The following OSBPL1A variants were observed in gnomAD, a reference collection of about 807,000 sequenced individuals.
OSBPL1A encodes the protein oxysterol binding protein like 1A.
Under a neutral mutation model 137.1 loss-of-function variants are expected in OSBPL1A, and 80 were observed. That is an observed-to-expected ratio of 0.58 (90% confidence interval 0.49 to 0.70). The LOEUF is 0.70. Ranked by LOEUF, OSBPL1A falls within the 30% of genes least tolerant of loss-of-function variation. The pLI, the probability that OSBPL1A is intolerant of heterozygous loss-of-function variation, is 0.00. For missense variants in OSBPL1A, 970 were observed against 1,129.4 expected (o/e 0.86, Z 2.02); for synonymous variants, 365 against 389.7 (o/e 0.94, Z 0.75).
At chr18:24,390,693 TCAAAAAAAAAAA>T (rs1907284496) in intron 1 of OSBPL1A, among the ~76,000 whole-genome samples, 1 of 23,504 alleles carries the variant, frequency 4.3e-5, no homozygotes, top group African/African-American at 3.2e-4. Flanking sequence ...CGACTCCGTC[TCAAAAAAAAAAA>T]AAAAAAAAAA....
intron 4 of OSBPL1A, among the ~76,000 whole-genome samples, chr18:24,358,699 A>G (rs1453822810): frequency 6.6e-6 from 1 of 152,202 alleles, no homozygotes. Context: ...TGAGATAGAG[A>G]GAATTTCTGA....
At chr18:24,198,495 C>T (rs1404915101) in intron 17 of OSBPL1A, among the ~76,000 whole-genome samples, 3 of 152,082 alleles carry the variant, frequency 2.0e-5, no homozygotes, top group South Asian at 2.1e-4. Flanking sequence ...CAGAACATAA[C>T]CAGAAAGCAG....
chr18:24,218,532 C>T (rs2087780369), intron 17 of OSBPL1A: 2 of 152,370 alleles, frequency 1.3e-5, no homozygotes, highest in African/African-American at 4.8e-5. Context: ...CAACCTCTGC[C>T]TCCCAGGTTC....
chr18:24,338,360 A>G (rs147236549), intron 5 of OSBPL1A, among the ~76,000 whole-genome samples: 17,274 of 151,898 alleles, frequency 0.11, 1,173 homozygotes, highest in African/African-American at 0.19. Context: ...GATTACAGGC[A>G]TGAGCCACCG....
intron 18 of OSBPL1A, among the ~76,000 whole-genome samples, chr18:24,184,813 C>T (rs1198749829): frequency 2.0e-5 from 3 of 151,976 alleles, no homozygotes; most frequent in Non-Finnish European, 4.4e-5. Context: ...TTCTCATTGC[C>T]CCCACCCTGC....
chr18:24,334,926 C>T (rs2091148032), intron 5 of OSBPL1A, among the ~76,000 whole-genome samples: 2 of 152,154 alleles, frequency 1.3e-5, no homozygotes, highest in Admixed American at 1.3e-4. Context: ...CTGTCATCCT[C>T]TCGCCCAGGC....
chr18:24,164,420 G>GGTTTTTT (rs199563115), intron 27 of OSBPL1A, among the ~76,000 whole-genome samples: 8 of 95,968 alleles, frequency 8.3e-5, no homozygotes, highest in Non-Finnish European at 1.1e-4. Flanking sequence ...GAGATTTTTG[G>GGTTTTTT]TTTTTTTTTT....
intron 16 of OSBPL1A, among the ~76,000 whole-genome samples, chr18:24,229,837 GC>G (rs2088214586): frequency 1.3e-5 from 2 of 151,484 alleles, no homozygotes; most frequent in South Asian, 4.2e-4. Flanking sequence ...TGCAACCTCT[GC>G]CTCCCTCACG....
chr18:24,382,234 TA>T (rs549411882), intron 1 of OSBPL1A, among the ~76,000 whole-genome samples: 26,963 of 117,594 alleles, frequency 0.23, 2,952 homozygotes, highest in Middle Eastern at 0.26. Context: ...ACGTCTCTAC[TA>T]AAAAAAAAAA....
At chr18:24,238,418 C>G (rs2146006941) in intron 16 of OSBPL1A, among the ~76,000 whole-genome samples, 1 of 152,294 alleles carries the variant, frequency 6.6e-6, no homozygotes, top group African/African-American at 2.4e-5. Context: ...AAAGTAAATT[C>G]CAAAAAGGTC....
At chr18:24,178,440 C>T (rs774725592) in intron 20 of OSBPL1A, among the ~76,000 whole-genome samples, 3 of 148,898 alleles carry the variant, frequency 2.0e-5, no homozygotes, top group African/African-American at 2.5e-5. Context: ...TACAGGCATG[C>T]ACCACCACAC....
intron 15 of OSBPL1A, among the ~76,000 whole-genome samples, chr18:24,241,819 A>T (rs1485632715): frequency 1.3e-5 from 2 of 152,220 alleles, no homozygotes; most frequent in Non-Finnish European, 2.9e-5. Flanking sequence ...ATAAAGACAC[A>T]TGCACACATA....
Position 24,314,349 on chromosome 18 carries a change from T to C in OSBPL1A, c.871-2A>G, listed in dbSNP as rs1334591996. 3.1e-6 allele frequency: 5 copies of C among 1,594,396 alleles called. No individual in the cohort carries two copies. The highest frequency in any genetic ancestry group is 1.8e-5 in the Admixed American group (1 of 56,436). On this transcript the variant is annotated splice_acceptor_variant, in intron 11 of 27. Coordinates refer to ENST00000319481, the MANE Select transcript of OSBPL1A (RefSeq NM_080597.4). LOFTEE classifies it high-confidence loss of function. The stretch of plus-strand genomic sequence containing the variant: ...GAGGCAGCTATCAGTGGATTTTACC[T>C]TGGATATAAAGAAGTCAGTAAGACA...
chr18:24,175,104 G>GTGTATATATA (rs1491534405), intron 21 of OSBPL1A, among the ~76,000 whole-genome samples: 115 of 42,692 alleles, frequency 2.7e-3, no homozygotes, highest in Admixed American at 9.8e-3. Context: ...TTTGCCATGT[G>GTGTATATATA]TATGTATATA....
chr18:24,163,938 G>T (rs989648673), intron 27 of OSBPL1A, among the ~76,000 whole-genome samples: 2 of 151,996 alleles, frequency 1.3e-5, no homozygotes, highest in African/African-American at 4.8e-5. Flanking sequence ...CTCCATGTTG[G>T]TCAGGCTGGT....
chr18:24,240,572 A>G (rs899820804), intron 15 of OSBPL1A, among the ~76,000 whole-genome samples: 2 of 152,192 alleles, frequency 1.3e-5, no homozygotes, highest in Non-Finnish European at 2.9e-5. Flanking sequence ...GGAGGCAGAA[A>G]AGCAGGGATC....
At chr18:24,293,924 C>T (rs1035558134) in intron 14 of OSBPL1A, among the ~76,000 whole-genome samples, 2 of 152,232 alleles carry the variant, frequency 1.3e-5, no homozygotes, top group African/African-American at 2.4e-5. Flanking sequence ...TTCAGATGTC[C>T]ACGTGGGAGG....
At chr18:24,308,302 G>T (rs2090545322) in intron 13 of OSBPL1A, among the ~76,000 whole-genome samples, 1 of 149,276 alleles carries the variant, frequency 6.7e-6, no homozygotes, top group Non-Finnish European at 1.5e-5. Context: ...TTTTAGTAGA[G>T]ACAGGGTTTT....
intron 24 of OSBPL1A, 24 bp downstream of exon 24, chr18:24,170,303 G>A (rs1351597583): frequency 3.7e-6 from 6 of 1,613,302 alleles, no homozygotes; most frequent in African/African-American, 1.3e-5. Context: ...TTATTCCTTC[G>A]ATACCACCTT....
Sources: allele counts gnomAD v4.1 joint callset (sites outside exome capture counted in the v4.1 genomes callset), GRCh38; gene constraint gnomAD v4.1.1; transcripts MANE v1.5; gene names NCBI Gene and HGNC (gene_info 2026-07-23, HGNC 2026-07-21).